Variants in CLCN6 observed in about 807,000 individuals in gnomAD.
CLCN6 encodes Cl-/H+ antiporter 6.
In CLCN6, 70 loss-of-function variants were observed where a neutral mutation model predicts 109.8. The ratio of observed to expected loss-of-function variants is 0.64; its 90% CI spans 0.53 to 0.78. CLCN6 has a LOEUF of 0.78. Among genes scored for constraint, CLCN6 ranks in the 30% least tolerant of loss-of-function variants. CLCN6 has a pLI of 0.00. For synonymous variants in CLCN6, 444 were observed against 447.8 expected (o/e 0.99, Z 0.11); for missense variants, 984 against 1,142.3 (o/e 0.86, Z 2.00).
chr1:11,837,164 C>G lies in CLCN6; in HGVS notation c.2138+8C>G, dbSNP rs1005980608. The G allele has an allele frequency of 1.9e-6, 3 of 1,611,080 alleles. No individual in the cohort carries two copies. The highest frequency in any genetic ancestry group is 2.5e-6 in the Non-Finnish European group (3 of 1,179,594). ...GCAGATGCTGGAAAGGAGGTGAGAGCCTGGCGGGGCCCCCACTGCCCGCAG... is the reference window on the plus strand; with the variant it reads ...GCAGATGCTGGAAAGGAGGTGAGAGGCTGGCGGGGCCCCCACTGCCCGCAG... On this transcript the variant is annotated splice_region_variant and intron_variant, in intron 19 of 22. Transcript: ENST00000346436.
At chr1:11,822,292 A>G (rs1210500977) in intron 5 of CLCN6, among the ~76,000 whole-genome samples, 1 of 152,142 alleles carries the variant, frequency 6.6e-6, no homozygotes, top group East Asian at 1.9e-4. Flanking sequence ...GAGGCCTCAC[A>G]CTGTTGCCTA....
intron 1 of CLCN6, 149 bp downstream of exon 1, chr1:11,806,498 C>T: frequency 1.7e-6 from 1 of 583,270 alleles, no homozygotes; most frequent in Non-Finnish European, 2.8e-6. Context: ...GAAGCGTCTA[C>T]CCTGCTTCAC....
In CLCN6 at chr1:11,840,540, CG is replaced by C. The variant is rs1553122226; in HGVS notation, c.*320del. 4 of 457,300 alleles carry C rather than the reference CG, an allele frequency of 8.7e-6. No individual in the cohort carries two copies. The highest frequency in any genetic ancestry group is 4.1e-6 in the Non-Finnish European group (1 of 246,502). 28.3% of individuals were successfully genotyped at this position (457,300 alleles called of 1,614,324 possible). ...AGCAGAGGTAGAATCAGGCGGGCCC[CG>C]GGCTGCACTCCGAGCAGTGTTCCTG... On this transcript the variant is annotated 3_prime_UTR_variant, in exon 23 of 23. Coordinates refer to ENST00000346436, the MANE Select transcript of CLCN6 (RefSeq NM_001286.5).
chr1:11,826,799 G>T (rs1644817193), intron 9 of CLCN6, among the ~76,000 whole-genome samples: 3 of 152,172 alleles, frequency 2.0e-5, no homozygotes, highest in African/African-American at 7.2e-5. Flanking sequence ...TCTTTGATCT[G>T]CCCCCTGAGC....
chr1:11,838,308 C>T (rs375501886), intron 20 of CLCN6, 27 bp from the exon 21 acceptor site: 39 of 1,604,824 alleles, frequency 2.4e-5, no homozygotes, highest in Middle Eastern at 1.7e-4. Context: ...TGCCTGAGCA[C>T]GGACAGTGTC....
chr1:11,815,076 T>G (rs557393311), intron 2 of CLCN6, among the ~76,000 whole-genome samples: 8 of 152,070 alleles, frequency 5.3e-5, no homozygotes, highest in Admixed American at 5.2e-4. Context: ...AAAAATACTT[T>G]CCATGTTAGT....
chr1:11,811,708 T>C (rs1276673061), intron 2 of CLCN6, among the ~76,000 whole-genome samples: 2 of 152,110 alleles, frequency 1.3e-5, no homozygotes, highest in Non-Finnish European at 2.9e-5. Flanking sequence ...TTTAGAATAT[T>C]TTCATCACCT....
rs59015951 is a variant in CLCN6, at chr1:11,827,430, C to CTTTTTTTTTTTTTTTTT, written c.840+216_840+232dup. 1.8e-3 allele frequency among the ~76,000 whole-genome samples: 187 copies of CTTTTTTTTTTTTTTTTT among 105,028 alleles called. 6 individuals are homozygous for CTTTTTTTTTTTTTTTTT. Among genetic ancestry groups the CTTTTTTTTTTTTTTTTT allele is most frequent in the Middle Eastern group, 5.8e-3 (1 of 172 alleles). The allele number at this position is 105,028 out of a possible 152,430, so 68.9% of individuals were successfully genotyped here. ...CTAACCCCAAATCAAACCGCTGTTA[C>CTTTTTTTTTTTTTTTTT]TTTTTTTTTTTTTTTTTTTTTTTGA... is the stretch of plus-strand genomic sequence containing the variant. On this transcript the variant is annotated intron_variant, in intron 10 of 22. Coordinates refer to ENST00000346436, the MANE Select transcript of CLCN6 (RefSeq NM_001286.5).
chr1:11,823,102 C>A (rs189791435), intron 6 of CLCN6, among the ~76,000 whole-genome samples: 5 of 152,268 alleles, frequency 3.3e-5, no homozygotes, highest in South Asian at 2.1e-4. Flanking sequence ...ATTCATGTCC[C>A]AAACCTCAGC....
chr1:11,840,462 T>G lies in CLCN6; in HGVS notation c.*239T>G. 2 of 569,754 alleles carry G rather than the reference T, an allele frequency of 3.5e-6. No homozygotes were observed. Among genetic ancestry groups the G allele is most frequent in the Admixed American group, 2.9e-5 (1 of 34,228 alleles). The allele number at this position is 569,754 out of a possible 1,614,324, so 35.3% of individuals were successfully genotyped here. On this transcript the variant is annotated 3_prime_UTR_variant, in exon 23 of 23. Transcript: ENST00000346436. ...ATCTTCCCACTTCCTGCTCCCTGTG[T>G]TCCCACCCTCCAGTGTTGGCACAGG...
intron 3 of CLCN6, 121 bp downstream of exon 3, chr1:11,816,032 A>G: frequency 4.0e-6 from 3 of 747,380 alleles, no homozygotes; most frequent in South Asian, 1.5e-5. Context: ...TTCATGCGAT[A>G]CAGGCAGACC....
Position 11,838,590 on chromosome 1 carries a change from T to C in CLCN6, c.2459T>C (p.Val820Ala). The C allele has an allele frequency of 6.2e-7, 1 of 1,613,448 alleles. No individual in the cohort carries two copies. Among genetic ancestry groups the C allele is most frequent in the Non-Finnish European group, 8.5e-7 (1 of 1,179,534 alleles). The change falls in exon 22 of 23, where the codon GTC (valine) becomes GCC (alanine). Residue 820 changes from valine to alanine, a missense_variant. Physicochemically the swap from Val to Ala is moderately conservative, Grantham distance 64 (BLOSUM62 0). Transcript: ENST00000346436. ...TTCACCGTCTCGCCCAACACCCACG[T>C]CTCCCAAGTCTTCAACCTGTTCAGA... Reference protein sequence around the residue: ...SPFTVSPNTHVSQVFNLFRTM... With the variant: ...SPFTVSPNTHASQVFNLFRTM...
At chr1:11,819,348 T>C in intron 4 of CLCN6, 140 bp from the exon 5 acceptor site, 1 of 752,068 alleles carries the variant, frequency 1.3e-6, no homozygotes, top group African/African-American at 1.7e-5. Context: ...TTTTCTGCTG[T>C]GCATTCACGT....
At position 11,841,594 on chromosome 1, in the gene CLCN6, G is replaced by A. The variant is rs369387109; in HGVS notation, c.*1371G>A. On this transcript the variant is annotated 3_prime_UTR_variant, in exon 23 of 23. Coordinates refer to ENST00000346436, the MANE Select transcript of CLCN6 (RefSeq NM_001286.5). ...TTGGCTCAAGATGGCCTTCATTTACGTTTAGTTTTTTTTAAAACCGTGGAG... is the reference window on the plus strand; with the variant it reads ...TTGGCTCAAGATGGCCTTCATTTACATTTAGTTTTTTTTAAAACCGTGGAG... The A allele has an allele frequency of 1.3e-5, 2 of 152,250 alleles. No homozygotes were observed. The highest frequency in any genetic ancestry group is 1.9e-4 in the East Asian group (1 of 5,200). 9.4% of individuals were successfully genotyped at this position (152,250 alleles called of 1,614,324 possible).
At chr1:11,811,118 G>C (rs748838928) in intron 2 of CLCN6, among the ~76,000 whole-genome samples, 2 of 152,082 alleles carry the variant, frequency 1.3e-5, no homozygotes, top group Non-Finnish European at 2.9e-5. Flanking sequence ...GATCGAAGCA[G>C]GTGAATTGCT....
chr1:11,808,986 C>T (rs1432092013), intron 2 of CLCN6, among the ~76,000 whole-genome samples: 1 of 151,906 alleles, frequency 6.6e-6, no homozygotes, highest in African/African-American at 2.4e-5. Flanking sequence ...CCCAGCCTCC[C>T]GAGTAGATGG....
chr1:11,824,433 C>T, intron 7 of CLCN6, 53 bp from the exon 8 acceptor site: 2 of 1,478,860 alleles, frequency 1.4e-6, no homozygotes, highest in Non-Finnish European at 9.4e-7. Context: ...GGTCTCCTGA[C>T]CCAGGGGCGT....
At position 11,812,050 on chromosome 1, in the gene CLCN6, G is replaced by A. The variant is rs148888560; in HGVS notation, c.148-3796G>A. Among the ~76,000 whole-genome samples the A allele has an allele frequency of 8.9e-4, 136 of 152,188 alleles. 1 individual carries two copies. In the East Asian group the frequency reaches 0.025, roughly 28 times the overall value. ...GATGGCTTAAGCCCAGGAGTTGGAG[G>A]TTGCAGTGAACCGAGATTATGCCAC... On this transcript the variant is annotated intron_variant, in intron 2 of 22. Coordinates refer to ENST00000346436, the MANE Select transcript of CLCN6 (RefSeq NM_001286.5).
In CLCN6 at chr1:11,829,223, G is replaced by C. The variant is rs776570971; in HGVS notation, c.1149G>C (p.Leu383=). Residue 383 remains leucine (L), a synonymous_variant, in exon 13 of 23, where the codon CTG becomes CTC. Transcript: ENST00000346436. ...VRVLESLLVS[L]VTTVVVFVAS... is the part of the protein sequence containing the mutation. ...TCTTAGAGAGCCTCCTTGTGTCTCT[G>C]GTAACCACCGTGGTGGTGTTTGTGG... 3.7e-6 allele frequency: 6 copies of C among 1,613,914 alleles called. No individual in the cohort carries two copies. The highest frequency in any genetic ancestry group is 1.7e-5 in the Admixed American group (1 of 60,000).
Sources: gnomAD v4.1 joint callset for allele counts (sites outside exome capture counted in the v4.1 genomes callset) on GRCh38, gnomAD v4.1.1 for gene constraint, MANE v1.5 for transcripts, NCBI Gene and HGNC (gene_info 2026-07-23, HGNC 2026-07-21) for gene names.